The following MGAT4C variants were observed in gnomAD, a reference collection of about 807,000 sequenced individuals.
MGAT4C encodes MGAT4 family member C.
In MGAT4C, 19 loss-of-function variants were observed where a neutral mutation model predicts 40.1. The observed-to-expected ratio is 0.47, with a 90% CI of 0.33 to 0.70. The LOEUF is 0.70. MGAT4C is among the 30% of genes least tolerant of loss of function. MGAT4C has a pLI of 0.02. For missense variants in MGAT4C, 491 were observed against 563.2 expected (o/e 0.87, Z 1.30); for synonymous variants, 181 against 187.1 (o/e 0.97, Z 0.27).
At chr12:86,122,970 A>G (rs1879650252) in intron 1 of MGAT4C, among the ~76,000 whole-genome samples, 1 of 152,140 alleles carries the variant, frequency 6.6e-6, no homozygotes, top group Admixed American at 6.6e-5. Flanking sequence ...TATATTGGGG[A>G]AAGATGGCCA....
At chr12:86,438,454 G>A (rs61949524) in intron 2 of MGAT4C, among the ~76,000 whole-genome samples, 14,963 of 151,892 alleles carry the variant, frequency 0.099, 995 homozygotes, top group Middle Eastern at 0.25. Flanking sequence ...AAGTTATCCA[G>A]AAGATCAGCC....
chr12:86,493,396 C>T (rs1442589701), intron 2 of MGAT4C, among the ~76,000 whole-genome samples: 1 of 152,054 alleles, frequency 6.6e-6, no homozygotes, highest in Admixed American at 6.6e-5. Flanking sequence ...TGGAACCAAC[C>T]CAAATGTCCA....
Position 85,974,981 on chromosome 12 carries a change from A to G in MGAT4C, c.*4308T>C, listed in dbSNP as rs2136667024. The G allele has an allele frequency of 6.6e-6, 1 of 150,832 alleles. No individual in the cohort carries two copies. Among genetic ancestry groups the G allele is most frequent in the East Asian group, 1.9e-4 (1 of 5,178 alleles). The allele number at this position is 150,832 out of a possible 1,614,324, so 9.3% of individuals were successfully genotyped here. ...TCTGAAGACTGCATTTCTGAGCTTA[A>G]GGTAGATTCTAAACAACATCTTAGA... On this transcript the variant is annotated 3_prime_UTR_variant, in exon 5 of 5. Coordinates refer to ENST00000611864, the MANE Select transcript of MGAT4C (RefSeq NM_001351288.2).
At chr12:86,193,844 C>T (rs888464729) in intron 1 of MGAT4C, among the ~76,000 whole-genome samples, 1 of 152,108 alleles carries the variant, frequency 6.6e-6, no homozygotes, top group African/African-American at 2.4e-5. Context: ...GCTTTAGGTA[C>T]ATAGTTCCTT....
At chr12:86,059,894 C>CACTG (rs5799765) in intron 1 of MGAT4C, among the ~76,000 whole-genome samples, 31,817 of 151,936 alleles carry the variant, frequency 0.21, 3,885 homozygotes, top group African/African-American at 0.34. Flanking sequence ...CAAGTCAGCA[C>CACTG]ACTGAAACTA....
Position 86,656,616 on chromosome 12 carries a change from T to C in MGAT4C, c.-229+70593A>G, listed in dbSNP as rs551649608. ...CATTTACCATTTCCTTGATTTACTC[T>C]CCAAAATTGATATAACAGTTGCAGA... On this transcript the variant is annotated intron_variant, in intron 2 of 7. Coordinates refer to the MGAT4C transcript ENST00000548651. Among the ~76,000 whole-genome samples, 3 of 152,186 alleles carry C rather than the reference T, an allele frequency of 2.0e-5. No homozygotes were observed. The East Asian group carries it at 5.8e-4, about 29-fold the overall frequency.
intron 3 of MGAT4C, among the ~76,000 whole-genome samples, chr12:86,334,646 C>A (rs1954744318): frequency 6.6e-6 from 1 of 152,062 alleles, no homozygotes; most frequent in Non-Finnish European, 1.5e-5. Flanking sequence ...ACTAAATTTA[C>A]CTTCTTTGAA....
chr12:86,122,144 C>T (rs899998809), intron 1 of MGAT4C, among the ~76,000 whole-genome samples: 2 of 152,042 alleles, frequency 1.3e-5, no homozygotes, highest in Non-Finnish European at 2.9e-5. Context: ...AAAATTAATA[C>T]CATGTTTCTG....
At chr12:86,676,363 GA>G (rs1964399857) in intron 2 of MGAT4C, among the ~76,000 whole-genome samples, 1 of 152,130 alleles carries the variant, frequency 6.6e-6, no homozygotes, top group South Asian at 2.1e-4. Context: ...TTCACAGGGG[GA>G]AACCTTCTTT....
intron 1 of MGAT4C, among the ~76,000 whole-genome samples, chr12:86,753,954 T>A (rs975031678): frequency 9.9e-5 from 15 of 152,064 alleles, no homozygotes; most frequent in Non-Finnish European, 4.4e-5. Context: ...TTGACAGTTT[T>A]AAAAAAATGT....
At chr12:86,749,973 G>A (rs1354097421) in intron 1 of MGAT4C, among the ~76,000 whole-genome samples, 3 of 151,580 alleles carry the variant, frequency 2.0e-5, no homozygotes, top group Non-Finnish European at 2.9e-5. Flanking sequence ...AGAATATCTC[G>A]CATATGGTTT....
intron 1 of MGAT4C, among the ~76,000 whole-genome samples, chr12:86,163,983 C>T (rs1365256889): frequency 6.6e-6 from 1 of 152,088 alleles, no homozygotes; most frequent in Admixed American, 6.6e-5. Context: ...TATATATTTA[C>T]ATATGTGCAG....
At chr12:86,540,798 G>T (rs958170587) in intron 2 of MGAT4C, among the ~76,000 whole-genome samples, 5 of 152,132 alleles carry the variant, frequency 3.3e-5, no homozygotes, top group African/African-American at 9.7e-5. Context: ...TTGAATTTGG[G>T]AATTCATATT....
At chr12:86,480,867 T>C (rs1957926618) in intron 2 of MGAT4C, among the ~76,000 whole-genome samples, 1 of 151,900 alleles carries the variant, frequency 6.6e-6, no homozygotes, top group Admixed American at 6.6e-5. Flanking sequence ...TCTTTTTTTT[T>C]CTTCTTGCTG....
chr12:86,112,706 T>C (rs1004602449), intron 1 of MGAT4C, among the ~76,000 whole-genome samples: 18 of 151,822 alleles, frequency 1.2e-4, no homozygotes, highest in Non-Finnish European at 2.4e-4. Flanking sequence ...TTGTGGGTTA[T>C]AGTAGCCATG....
At chr12:86,455,938 T>A (rs748862463) in intron 2 of MGAT4C, among the ~76,000 whole-genome samples, 1 of 151,822 alleles carries the variant, frequency 6.6e-6, no homozygotes, top group Non-Finnish European at 1.5e-5. Flanking sequence ...AAAAATAGAG[T>A]ATTACTTGAA....
intron 2 of MGAT4C, among the ~76,000 whole-genome samples, chr12:86,533,705 A>G: frequency 6.6e-6 from 1 of 151,808 alleles, no homozygotes; most frequent in East Asian, 1.9e-4. Flanking sequence ...CTATATATAT[A>G]AACAAAAATA....
At chr12:86,570,354 C>T (rs80137576) in intron 2 of MGAT4C, among the ~76,000 whole-genome samples, 4,708 of 152,002 alleles carry the variant, frequency 0.031, 124 homozygotes, top group African/African-American at 0.074. Context: ...GTATTTTAGA[C>T]ATTCAGAAAG....
chr12:86,500,210 T>TAC (rs976336927), intron 2 of MGAT4C, among the ~76,000 whole-genome samples: 4 of 151,812 alleles, frequency 2.6e-5, no homozygotes, highest in Non-Finnish European at 5.9e-5. Flanking sequence ...TGTGTATTTA[T>TAC]ACACACACAC....
Sources: allele counts gnomAD v4.1 joint callset (sites outside exome capture counted in the v4.1 genomes callset), GRCh38; gene constraint gnomAD v4.1.1; transcripts MANE v1.5; gene names NCBI Gene and HGNC (gene_info 2026-07-23, HGNC 2026-07-21).